NUP62CL: variants seen among roughly 807,000 people sequenced by gnomAD.
NUP62CL encodes the protein nucleoporin 62 C-terminal like.
A neutral mutation model predicts 15.3 loss-of-function variants in NUP62CL; 13 were observed. The ratio of observed to expected loss-of-function variants is 0.85; its 90% CI spans 0.55 to 1.35. The LOEUF (loss-of-function observed/expected upper bound fraction) is 1.35. Among genes scored for constraint, NUP62CL ranks in the 40% most tolerant of loss-of-function variants. The pLI is 0.00. For missense variants in NUP62CL, 123 were observed against 130.6 expected (o/e 0.94, Z 0.28); for synonymous variants, 54 against 49.2 (o/e 1.10, Z -0.41).
intron 4 of NUP62CL, among the ~76,000 whole-genome samples, chrX:107,157,921 A>G (rs1926249224): frequency 9.2e-6 from 1 of 108,726 alleles, no homozygotes; most frequent in Admixed American, 9.8e-5. Flanking sequence ...TCAAAATAAA[A>G]GGATGGAGGA....
intron 2 of NUP62CL, among the ~76,000 whole-genome samples, chrX:107,187,089 T>C (rs1042490484): frequency 1.8e-5 from 2 of 111,809 alleles, no homozygotes; most frequent in African/African-American, 6.5e-5. Flanking sequence ...TGAACACTTC[T>C]AAATAATACA....
At chrX:107,171,728 G>A (rs1926655008) in intron 3 of NUP62CL, among the ~76,000 whole-genome samples, 1 of 111,030 alleles carries the variant, frequency 9.0e-6, no homozygotes, top group African/African-American at 3.3e-5. Flanking sequence ...ACCATATCAT[G>A]GTGCTAAGGG....
At chrX:107,176,612 A>T (rs778842364) in intron 2 of NUP62CL, among the ~76,000 whole-genome samples, 32 of 108,753 alleles carry the variant, frequency 2.9e-4, no homozygotes, top group Admixed American at 4.0e-4. Context: ...CATAGTGGTG[A>T]TAGTTGTACA....
rs1187837331 is a variant in NUP62CL, at chrX:107,174,518, G to C, written c.58+571C>G. ...GGAAAATGTGTAACAAAGAAGTTGG[G>C]GTTACGAGATAATGTCTCACCTCTT... On this transcript the variant is annotated intron_variant, in intron 3 of 8. Transcript: ENST00000372466. 1.5e-4 allele frequency among the ~76,000 whole-genome samples: 17 copies of C among 110,990 alleles called. No individual in the cohort carries two copies. In the Admixed American group the frequency reaches 1.5e-3, roughly 10 times the overall value.
intron 1 of NUP62CL, among the ~76,000 whole-genome samples, chrX:107,203,091 G>A (rs1406504484): frequency 1.8e-5 from 2 of 108,821 alleles, no homozygotes; most frequent in East Asian, 5.7e-4. Context: ...ATACATCCAA[G>A]AGGGGCAAAA....
intron 8 of NUP62CL, chrX:107,131,797 C>T: frequency 3.5e-6 from 4 of 1,130,629 alleles, no homozygotes; most frequent in Non-Finnish European, 4.9e-6. Flanking sequence ...GCCCATTCTG[C>T]AAGTGGACAG....
intron 4 of NUP62CL, among the ~76,000 whole-genome samples, chrX:107,157,189 G>C (rs1459842237): frequency 9.1e-6 from 1 of 109,756 alleles, no homozygotes; most frequent in Admixed American, 9.8e-5. Flanking sequence ...ATGCAACCAA[G>C]TTGGAAAACA....
chrX:107,167,293 T>TAAAATG (rs922063635), intron 4 of NUP62CL, among the ~76,000 whole-genome samples: 1 of 111,781 alleles, frequency 8.9e-6, no homozygotes, highest in Non-Finnish European at 1.9e-5. Context: ...TTCTCACCTA[T>TAAAATG]AAAATGAAAA....
intron 4 of NUP62CL, 111 bp downstream of exon 4, chrX:107,167,538 A>G (rs1230896470): frequency 1.9e-6 from 1 of 531,278 alleles, no homozygotes; most frequent in African/African-American, 2.3e-5. Flanking sequence ...TGTTCCCTCA[A>G]CTCAGTCATT....
At chrX:107,153,607 C>A in intron 5 of NUP62CL, 104 bp from the exon 6 acceptor site, 1 of 511,804 alleles carries the variant, frequency 2.0e-6, no homozygotes, top group South Asian at 4.2e-5. Flanking sequence ...TGAAAGATTT[C>A]CTTTTATTCA....
At chrX:107,204,891 A>G (rs866928249) in intron 1 of NUP62CL, among the ~76,000 whole-genome samples, 3 of 75,613 alleles carry the variant, frequency 4.0e-5, no homozygotes, top group Non-Finnish European at 6.5e-5. Flanking sequence ...AATTTTAAAT[A>G]AATTATTTAA....
chrX:107,163,059 CCT>C (rs1182451640), intron 4 of NUP62CL, among the ~76,000 whole-genome samples: 2 of 111,215 alleles, frequency 1.8e-5, no homozygotes, highest in Non-Finnish European at 3.8e-5. Flanking sequence ...GTTGAGGACC[CCT>C]GATATAAAGT....
intron 4 of NUP62CL, among the ~76,000 whole-genome samples, chrX:107,155,304 G>A (rs1316473807): frequency 8.9e-6 from 1 of 112,343 alleles, no homozygotes; most frequent in Non-Finnish European, 1.9e-5. Context: ...CAAAGTAGTT[G>A]ACATTATGCT....
At chrX:107,171,743 G>A (rs1040416805) in intron 3 of NUP62CL, among the ~76,000 whole-genome samples, 1 of 111,075 alleles carries the variant, frequency 9.0e-6, no homozygotes, top group African/African-American at 3.3e-5. Context: ...TAAGGGATGG[G>A]CTAGTGGCAA....
chrX:107,127,018 G>C (rs963083386), intron 8 of NUP62CL, among the ~76,000 whole-genome samples: 1 of 109,160 alleles, frequency 9.2e-6, no homozygotes, highest in Non-Finnish European at 1.9e-5. Flanking sequence ...TGGGTGACGA[G>C]AGAAACTCTG....
chrX:107,158,693 GACACCCTA>G (rs1422652393), intron 4 of NUP62CL, among the ~76,000 whole-genome samples: 1 of 75,204 alleles, frequency 1.3e-5, no homozygotes, highest in Non-Finnish European at 2.3e-5. Flanking sequence ...ATCCAAAATT[GACACCCTA>G]ACATCACAGT....
intron 1 of NUP62CL, among the ~76,000 whole-genome samples, chrX:107,203,472 CT>C (rs201866188): frequency 0.012 from 1,287 of 110,105 alleles, 21 homozygotes; most frequent in African/African-American, 0.041. Flanking sequence ...TCTTGAACTC[CT>C]GGATTCAAGT....
At chrX:107,166,019 A>G (rs1252987325) in intron 4 of NUP62CL, among the ~76,000 whole-genome samples, 2 of 111,779 alleles carry the variant, frequency 1.8e-5, no homozygotes, top group African/African-American at 6.5e-5. Flanking sequence ...CTTATAATTG[A>G]CACTAAAAGC....
chrX:107,181,586 A>T (rs770048204), intron 2 of NUP62CL, among the ~76,000 whole-genome samples: 1 of 110,793 alleles, frequency 9.0e-6, no homozygotes, highest in South Asian at 3.8e-4. Context: ...TGTCTCATGC[A>T]TTTATTCCCC....
Sources: gnomAD v4.1 joint callset for allele counts (sites outside exome capture counted in the v4.1 genomes callset) on GRCh38, gnomAD v4.1.1 for gene constraint, MANE v1.5 for transcripts, NCBI Gene and HGNC (gene_info 2026-07-23, HGNC 2026-07-21) for gene names.